Variants in CNTN4 observed in about 807,000 individuals in gnomAD.
The protein encoded by CNTN4 is contactin-4.
Under a neutral mutation model 122.5 loss-of-function variants are expected in CNTN4, and 77 were observed. The ratio of observed to expected loss-of-function variants is 0.63; its 90% CI spans 0.52 to 0.76. The LOEUF is 0.76. Ranked by LOEUF, CNTN4 falls within the 30% of genes least tolerant of loss-of-function variation. The pLI is 0.00. For synonymous variants in CNTN4, 512 were observed against 447.0 expected, an observed-to-expected ratio of 1.15 and a Z score of -1.83; for missense variants, 1,256 against 1,259.1, an observed-to-expected ratio of 1.00 and a Z score of 0.04.
intron 13 of CNTN4, among the ~76,000 whole-genome samples, chr3:2,928,897 A>G (rs948709274): frequency 5.3e-5 from 8 of 152,230 alleles, no homozygotes; most frequent in African/African-American, 1.9e-4. Flanking sequence ...AGCTAAGTGG[A>G]TATAGATTCA....
intron 4 of CNTN4, among the ~76,000 whole-genome samples, chr3:2,628,791 G>A (rs772210973): frequency 2.8e-4 from 42 of 152,264 alleles, no homozygotes; most frequent in East Asian, 5.8e-4. Flanking sequence ...AGAACTGGAC[G>A]TAACCAAAAA....
intron 4 of CNTN4, among the ~76,000 whole-genome samples, chr3:2,656,005 T>C (rs1443215702): frequency 1.3e-5 from 2 of 152,176 alleles, no homozygotes; most frequent in Non-Finnish European, 2.9e-5. Context: ...ATTAGAGATA[T>C]CTCAAAAATA....
chr3:2,889,159 G>C (rs1382808651), intron 10 of CNTN4, among the ~76,000 whole-genome samples: 1 of 152,254 alleles, frequency 6.6e-6, no homozygotes, highest in East Asian at 1.9e-4. Context: ...TTTCCACTAT[G>C]AGCCAGCCTT....
At chr3:3,015,726 T>TA (rs1190788707) in intron 14 of CNTN4, among the ~76,000 whole-genome samples, 1 of 152,222 alleles carries the variant, frequency 6.6e-6, no homozygotes, top group Non-Finnish European at 1.5e-5. Context: ...TGTGTGTGAA[T>TA]GGCACTTGGT....
chr3:2,671,105 C>T (rs1487304627), intron 4 of CNTN4, among the ~76,000 whole-genome samples: 3 of 152,016 alleles, frequency 2.0e-5, no homozygotes, highest in Non-Finnish European at 4.4e-5. Flanking sequence ...ATCTTTGTGG[C>T]GTTCTCTGTA....
intron 2 of CNTN4, among the ~76,000 whole-genome samples, chr3:2,232,569 T>A (rs2149553181): frequency 6.6e-6 from 1 of 152,284 alleles, no homozygotes; most frequent in Non-Finnish European, 1.5e-5. Context: ...ACTATATAGC[T>A]AAAAATTGGT....
chr3:2,551,102 A>G (rs188061157), intron 3 of CNTN4, among the ~76,000 whole-genome samples: 2 of 147,944 alleles, frequency 1.4e-5, no homozygotes, highest in Non-Finnish European at 3.0e-5. Flanking sequence ...AAAATATAAT[A>G]AAAAAAAAAT....
At chr3:2,414,435 ATGGC>A (rs1237745364) in intron 3 of CNTN4, among the ~76,000 whole-genome samples, 1 of 152,200 alleles carries the variant, frequency 6.6e-6, no homozygotes, top group African/African-American at 2.4e-5. Context: ...GACAACAAAA[ATGGC>A]ATATGTATGC....
At chr3:2,952,340 C>T (rs968273263) in intron 13 of CNTN4, among the ~76,000 whole-genome samples, 6 of 152,204 alleles carry the variant, frequency 3.9e-5, no homozygotes, top group Non-Finnish European at 8.8e-5. Context: ...GGAATGGCAT[C>T]AGAGCCAGAG....
intron 3 of CNTN4, among the ~76,000 whole-genome samples, chr3:2,456,170 G>A (rs2048991702): frequency 2.6e-5 from 4 of 152,116 alleles, no homozygotes; most frequent in Admixed American, 2.6e-4. Context: ...TGAATCTCAT[G>A]ATCTTTTACC....
intron 7 of CNTN4, among the ~76,000 whole-genome samples, chr3:2,829,450 G>C (rs1559551921): frequency 6.6e-6 from 1 of 152,160 alleles, no homozygotes; most frequent in African/African-American, 2.4e-5. Context: ...AGATCATTTA[G>C]CTCAAAGAAA....
At chr3:2,850,331 A>C (rs974858368) in intron 7 of CNTN4, among the ~76,000 whole-genome samples, 1 of 152,236 alleles carries the variant, frequency 6.6e-6, no homozygotes, top group Non-Finnish European at 1.5e-5. Flanking sequence ...GGTAAACAGA[A>C]CACAGCTATT....
chr3:2,879,226 C>T (rs145889069), intron 8 of CNTN4, among the ~76,000 whole-genome samples: 143 of 152,192 alleles, frequency 9.4e-4, no homozygotes, highest in African/African-American at 3.2e-3. Context: ...ACGTGACAAC[C>T]GAGGCAGAGA....
At chr3:2,475,906 C>T (rs1026678578) in intron 3 of CNTN4, among the ~76,000 whole-genome samples, 5 of 152,034 alleles carry the variant, frequency 3.3e-5, no homozygotes, top group Admixed American at 2.6e-4. Flanking sequence ...TTTAGTATTT[C>T]AGGTAGTTAT....
At chr3:2,403,019 G>T (rs1241674783) in intron 3 of CNTN4, among the ~76,000 whole-genome samples, 62 of 152,024 alleles carry the variant, frequency 4.1e-4, no homozygotes, top group Non-Finnish European at 8.8e-5. Context: ...CAAGGTGTCG[G>T]CAGGGTTCGT....
At chr3:2,982,828 C>T (rs1022335068) in intron 13 of CNTN4, among the ~76,000 whole-genome samples, 1 of 152,122 alleles carries the variant, frequency 6.6e-6, no homozygotes, top group Non-Finnish European at 1.5e-5. Flanking sequence ...GTATGGAACA[C>T]ATTGGCATTA....
chr3:2,607,179 C>A (rs185040192), intron 4 of CNTN4, among the ~76,000 whole-genome samples: 1 of 152,046 alleles, frequency 6.6e-6, no homozygotes, highest in African/African-American at 2.4e-5. Flanking sequence ...GAAACTGTCA[C>A]GTGAATAAAG....
chr3:2,726,945 T>A (rs914942507), intron 4 of CNTN4, among the ~76,000 whole-genome samples: 1 of 152,124 alleles, frequency 6.6e-6, no homozygotes, highest in Non-Finnish European at 1.5e-5. Flanking sequence ...AAACTCTCTG[T>A]GCTCTGCTCC....
At chr3:2,609,656 T>C (rs901341414) in intron 4 of CNTN4, among the ~76,000 whole-genome samples, 4 of 152,170 alleles carry the variant, frequency 2.6e-5, no homozygotes, top group Non-Finnish European at 5.9e-5. Context: ...TTTAGTTTCC[T>C]CTCTTTGAAC....
Sources: allele counts gnomAD v4.1 joint callset (sites outside exome capture counted in the v4.1 genomes callset), GRCh38; gene constraint gnomAD v4.1.1; transcripts MANE v1.5; gene names NCBI Gene and HGNC (gene_info 2026-07-23, HGNC 2026-07-21).